Variants in POU6F2 observed in about 807,000 individuals in gnomAD.
The protein encoded by POU6F2 is POU domain, class 6, transcription factor 2.
In POU6F2, 31 loss-of-function variants were observed where a neutral mutation model predicts 71.3. The ratio of observed to expected loss-of-function variants is 0.43; its 90% CI spans 0.33 to 0.59. The LOEUF (loss-of-function observed/expected upper bound fraction) is 0.59. Among genes scored for constraint, POU6F2 ranks in the 20% least tolerant of loss-of-function variants. The probability of loss-of-function intolerance (pLI) is 0.04; values close to 1 mark genes in which losing one functional copy is unlikely to be tolerated. For missense variants in POU6F2, 783 were observed against 856.8 expected, an observed-to-expected ratio of 0.91 and a Z score of 1.07; for synonymous variants, 347 against 355.7, an observed-to-expected ratio of 0.98 and a Z score of 0.27.
At chr7:39,267,114 A>G (rs1163544327) in intron 4 of POU6F2, among the ~76,000 whole-genome samples, 3 of 152,236 alleles carry the variant, frequency 2.0e-5, no homozygotes, top group African/African-American at 7.2e-5. Context: ...TTTGAATAAC[A>G]TAATTGGAGA....
At chr7:39,050,103 G>C (rs1584517259) in intron 1 of POU6F2, among the ~76,000 whole-genome samples, 1 of 151,892 alleles carries the variant, frequency 6.6e-6, no homozygotes, top group African/African-American at 2.4e-5. Context: ...TCTTTGTTTA[G>C]TAACTTGTTT....
At chr7:39,189,711 A>C (rs964683896) in intron 2 of POU6F2, among the ~76,000 whole-genome samples, 4 of 151,166 alleles carry the variant, frequency 2.6e-5, no homozygotes, top group African/African-American at 7.3e-5. Context: ...AATAGTTTTA[A>C]ATTGGCTTCA....
At chr7:39,133,686 T>TTAGTTAGGTAGG (rs1792333334) in intron 2 of POU6F2, among the ~76,000 whole-genome samples, 1 of 152,204 alleles carries the variant, frequency 6.6e-6, no homozygotes, top group Non-Finnish European at 1.5e-5. Context: ...CTCCTTAGTG[T>TTAGTTAGGTAGG]CAACCTAACA....
intron 5 of POU6F2, among the ~76,000 whole-genome samples, chr7:39,393,633 G>A (rs148363379): frequency 6.6e-6 from 1 of 152,022 alleles, no homozygotes; most frequent in Non-Finnish European, 1.5e-5. Context: ...ATTTCTACTG[G>A]TCCCCTAAAA....
intron 4 of POU6F2, among the ~76,000 whole-genome samples, chr7:39,294,392 TG>T (rs1430573026): frequency 1.4e-5 from 2 of 145,412 alleles, no homozygotes; most frequent in African/African-American, 5.0e-5. Flanking sequence ...CAATTACTTT[TG>T]CGCCAACCTA....
chr7:39,103,999 A>T (rs1309702250), intron 2 of POU6F2, among the ~76,000 whole-genome samples: 2 of 152,220 alleles, frequency 1.3e-5, no homozygotes, highest in Non-Finnish European at 2.9e-5. Flanking sequence ...AAGAGTGTTA[A>T]TGACAAATAC....
At chr7:39,196,311 C>A (rs1288863177) in intron 2 of POU6F2, among the ~76,000 whole-genome samples, 1 of 152,070 alleles carries the variant, frequency 6.6e-6, no homozygotes, top group East Asian at 1.9e-4. Flanking sequence ...AAAACAAAAT[C>A]GTATTTTATC....
intron 5 of POU6F2, among the ~76,000 whole-genome samples, chr7:39,401,684 C>G (rs1199694099): frequency 6.6e-6 from 1 of 152,172 alleles, no homozygotes; most frequent in Non-Finnish European, 1.5e-5. Flanking sequence ...TTCTAGGCAT[C>G]CACGGCCGAG....
chr7:39,122,663 A>G (rs1792064668), intron 2 of POU6F2, among the ~76,000 whole-genome samples: 1 of 149,902 alleles, frequency 6.7e-6, no homozygotes, highest in Non-Finnish European at 1.5e-5. Context: ...ATTGGGGTCC[A>G]ATTTAGAGTT....
intron 4 of POU6F2, among the ~76,000 whole-genome samples, chr7:39,323,092 G>A (rs956053750): frequency 3.3e-5 from 5 of 150,462 alleles, no homozygotes; most frequent in Non-Finnish European, 5.9e-5. Context: ...AGGTTGCTGA[G>A]AGAGAAGACA....
chr7:39,099,276 C>G (rs982708546), intron 2 of POU6F2, among the ~76,000 whole-genome samples: 1 of 152,194 alleles, frequency 6.6e-6, no homozygotes, highest in Non-Finnish European at 1.5e-5. Context: ...AGCCAGATGT[C>G]TGTGGGCGGC....
chr7:39,192,535 T>C (rs1793690833), intron 2 of POU6F2, among the ~76,000 whole-genome samples: 1 of 152,176 alleles, frequency 6.6e-6, no homozygotes, highest in Non-Finnish European at 1.5e-5. Context: ...AGCAATGATA[T>C]TGGGCTACAT....
intron 7 of POU6F2, among the ~76,000 whole-genome samples, chr7:39,451,127 C>T (rs1405001888): frequency 6.6e-6 from 1 of 152,096 alleles, no homozygotes; most frequent in Non-Finnish European, 1.5e-5. Context: ...TGGGGCACAG[C>T]CACACCTTTA....
At chr7:39,056,688 G>GTGTGTGTGTT (rs2128714999) in intron 1 of POU6F2, among the ~76,000 whole-genome samples, 1 of 151,244 alleles carries the variant, frequency 6.6e-6, no homozygotes, top group Admixed American at 6.6e-5. Flanking sequence ...ATGTGTGTGT[G>GTGTGTGTGTT]TGTGTGTGTG....
rs559597313 is a variant in POU6F2, at chr7:39,350,073, G to A, written c.972+10058G>A. 1.6e-4 allele frequency among the ~76,000 whole-genome samples: 24 copies of A among 152,298 alleles called. 1 individual carries two copies. The highest frequency in any genetic ancestry group is 5.8e-4 in the East Asian group (3 of 5,186). On this transcript the variant is annotated intron_variant, in intron 5 of 9. Coordinates refer to ENST00000518318, the MANE Select transcript of POU6F2 (RefSeq NM_001370959.1). ...GTGTCTGAAGGCTCAGTTGGGCTCC[G>A]ATCAATGCAACCCTTCCAGCCCGTT...
At chr7:39,068,605 C>G (rs1790810778) in intron 1 of POU6F2, among the ~76,000 whole-genome samples, 2 of 151,714 alleles carry the variant, frequency 1.3e-5, no homozygotes, top group Non-Finnish European at 2.9e-5. Flanking sequence ...AGTTGAAGAG[C>G]AATTTTGAAA....
intron 4 of POU6F2, among the ~76,000 whole-genome samples, chr7:39,215,721 A>G (rs908275802): frequency 2.0e-5 from 3 of 152,184 alleles, no homozygotes; most frequent in African/African-American, 7.2e-5. Context: ...GATGTGATGC[A>G]TTTTATGCAA....
At chr7:39,454,697 T>C (rs1254812201) in intron 8 of POU6F2, among the ~76,000 whole-genome samples, 2 of 42,858 alleles carry the variant, frequency 4.7e-5, no homozygotes, top group African/African-American at 9.3e-5. Context: ...TATATATATA[T>C]ATATATATAT....
chr7:39,078,435 G>A (rs1791040558), intron 1 of POU6F2, among the ~76,000 whole-genome samples: 2 of 152,112 alleles, frequency 1.3e-5, no homozygotes, highest in African/African-American at 2.4e-5. Context: ...TTAACCAAAT[G>A]AGAACCCATT....
Sources: allele counts gnomAD v4.1 joint callset (sites outside exome capture counted in the v4.1 genomes callset), GRCh38; gene constraint gnomAD v4.1.1; transcripts MANE v1.5; gene names NCBI Gene and HGNC (gene_info 2026-07-23, HGNC 2026-07-21).